Variants in CDH18 observed in about 807,000 individuals in gnomAD.
CDH18 encodes cadherin 18.
A neutral mutation model predicts 67.9 loss-of-function variants in CDH18; 31 were observed. The observed-to-expected ratio is 0.46, with a 90% CI of 0.34 to 0.62. The LOEUF (loss-of-function observed/expected upper bound fraction) is 0.62. Among genes scored for constraint, CDH18 ranks in the 20% least tolerant of loss-of-function variants. The probability of loss-of-function intolerance (pLI) is 0.01; values close to 1 mark genes in which losing one functional copy is unlikely to be tolerated. For missense variants in CDH18, 890 were observed against 975.5 expected, an observed-to-expected ratio of 0.91 and a Z score of 1.17; for synonymous variants, 362 against 347.2, an observed-to-expected ratio of 1.04 and a Z score of -0.48.
intron 2 of CDH18, among the ~76,000 whole-genome samples, chr5:20,105,731 T>C (rs943720118): frequency 6.6e-6 from 1 of 152,218 alleles, no homozygotes; most frequent in African/African-American, 2.4e-5. Flanking sequence ...GTACCTGTTG[T>C]TGCATGTCTC....
chr5:19,955,773 A>G (rs1319002142), intron 2 of CDH18, among the ~76,000 whole-genome samples: 1 of 152,110 alleles, frequency 6.6e-6, no homozygotes, highest in East Asian at 1.9e-4. Context: ...ACAAATAACT[A>G]CACATTCCCA....
intron 2 of CDH18, among the ~76,000 whole-genome samples, chr5:20,036,153 C>G (rs1265168201): frequency 6.6e-6 from 1 of 151,952 alleles, no homozygotes; most frequent in Non-Finnish European, 1.5e-5. Flanking sequence ...AGATTCATGA[C>G]AATTTACAGA....
chr5:19,531,987 T>G (rs920804052), intron 9 of CDH18, among the ~76,000 whole-genome samples: 6 of 152,148 alleles, frequency 3.9e-5, no homozygotes, highest in African/African-American at 1.4e-4. Flanking sequence ...CCTTTAACTT[T>G]TGTGGACGAA....
At chr5:20,567,023 T>G (rs1249370420) in intron 1 of CDH18, among the ~76,000 whole-genome samples, 5 of 152,194 alleles carry the variant, frequency 3.3e-5, no homozygotes, top group African/African-American at 1.2e-4. Flanking sequence ...TGTTGGTAGC[T>G]CACTCATTTT....
At chr5:19,864,683 T>C (rs945090979) in intron 2 of CDH18, among the ~76,000 whole-genome samples, 2 of 152,292 alleles carry the variant, frequency 1.3e-5, no homozygotes, top group Admixed American at 6.5e-5. Context: ...ATCTTGGGAC[T>C]TTTATGCCAC....
intron 9 of CDH18, among the ~76,000 whole-genome samples, chr5:19,541,953 G>C (rs1393069921): frequency 6.6e-6 from 1 of 151,938 alleles, no homozygotes; most frequent in Non-Finnish European, 1.5e-5. Flanking sequence ...CATTACTAAG[G>C]ATTCACAATT....
chr5:20,566,375 T>G (rs1388417106), intron 1 of CDH18, among the ~76,000 whole-genome samples: 1 of 148,826 alleles, frequency 6.7e-6, no homozygotes, highest in Non-Finnish European at 1.5e-5. Context: ...TTTTTTTTTT[T>G]TTTGAGATAG....
At chr5:19,577,422 CT>C (rs1742496299) in intron 7 of CDH18, among the ~76,000 whole-genome samples, 1 of 152,010 alleles carries the variant, frequency 6.6e-6, no homozygotes. Context: ...GAACTTGTGA[CT>C]TTTTTATTTC....
chr5:19,861,808 G>A (rs966138268), intron 2 of CDH18, among the ~76,000 whole-genome samples: 43 of 152,218 alleles, frequency 2.8e-4, no homozygotes, highest in Middle Eastern at 3.4e-3. Context: ...GAAAGTGAAG[G>A]TTTTCTTTAT....
intron 2 of CDH18, among the ~76,000 whole-genome samples, chr5:19,919,813 A>G (rs1023197103): frequency 1.3e-5 from 2 of 152,234 alleles, no homozygotes; most frequent in Admixed American, 6.5e-5. Flanking sequence ...GGATTATTAT[A>G]TAGTGTGGAC....
intron 2 of CDH18, among the ~76,000 whole-genome samples, chr5:20,070,375 A>G (rs1453176856): frequency 6.6e-6 from 1 of 151,970 alleles, no homozygotes; most frequent in Non-Finnish European, 1.5e-5. Flanking sequence ...TGGTAAGATT[A>G]TTGTCTGCTT....
At chr5:20,225,273 A>G (rs1264714425) in intron 2 of CDH18, among the ~76,000 whole-genome samples, 2 of 152,098 alleles carry the variant, frequency 1.3e-5, no homozygotes, top group Non-Finnish European at 2.9e-5. Flanking sequence ...GGTAATCTCT[A>G]CTGAAGGAGA....
chr5:20,458,199 C>T (rs1004919005), intron 1 of CDH18, among the ~76,000 whole-genome samples: 1 of 152,144 alleles, frequency 6.6e-6, no homozygotes, highest in Non-Finnish European at 1.5e-5. Flanking sequence ...CTCACTGCAG[C>T]CTCGATCTCC....
intron 1 of CDH18, among the ~76,000 whole-genome samples, chr5:20,559,194 GA>G (rs1248014029): frequency 2.6e-5 from 4 of 151,914 alleles, no homozygotes; most frequent in African/African-American, 9.7e-5. Context: ...TTTTCAAGGA[GA>G]AAAACCATAA....
At chr5:19,858,583 G>T (rs1784539827) in intron 2 of CDH18, among the ~76,000 whole-genome samples, 1 of 152,140 alleles carries the variant, frequency 6.6e-6, no homozygotes, top group Non-Finnish European at 1.5e-5. Flanking sequence ...GAACTAAGCA[G>T]ATTTATACAA....
intron 8 of CDH18, among the ~76,000 whole-genome samples, chr5:19,567,360 G>A (rs1333248639): frequency 6.6e-6 from 1 of 152,112 alleles, no homozygotes; most frequent in Admixed American, 6.6e-5. Flanking sequence ...AAGTACAAAA[G>A]TACAATAGTA....
chr5:19,704,712 G>T (rs1451191755), intron 5 of CDH18, among the ~76,000 whole-genome samples: 1 of 152,150 alleles, frequency 6.6e-6, no homozygotes, highest in African/African-American at 2.4e-5. Context: ...GAAACTGGAG[G>T]CTTTAGAGGA....
chr5:20,319,613 T>C lies in CDH18; in HGVS notation c.-579-64108A>G, dbSNP rs568630054. Among the ~76,000 whole-genome samples the C allele has an allele frequency of 4.6e-5, 7 of 152,330 alleles. No individual in the cohort carries two copies. The South Asian group carries it at 1.4e-3, about 32-fold the overall frequency. On this transcript the variant is annotated intron_variant, in intron 1 of 14. Coordinates refer to the CDH18 transcript ENST00000507958. ...ATTTAGCTTGCATAACCACAAAACA[T>C]GTTAATCTTGATGAATTCACATGGC...
chr5:20,440,847 C>T lies in CDH18; in HGVS notation c.-580+134615G>A, dbSNP rs1428799006. 2.0e-5 allele frequency among the ~76,000 whole-genome samples: 3 copies of T among 151,934 alleles called. 1 individual carries two copies. Among genetic ancestry groups the T allele is most frequent in the African/African-American group, 7.3e-5 (3 of 41,218 alleles). On this transcript the variant is annotated intron_variant, in intron 1 of 14. Coordinates refer to the CDH18 transcript ENST00000507958. Reference sequence around the variant, plus strand: ...CAGACAAAACAATGTTCCAGGGTCACTGAGTTTTGGGAAATCATACATAGA... The same window carrying T: ...CAGACAAAACAATGTTCCAGGGTCATTGAGTTTTGGGAAATCATACATAGA...
Sources: allele counts gnomAD v4.1 joint callset (sites outside exome capture counted in the v4.1 genomes callset), GRCh38; gene constraint gnomAD v4.1.1; transcripts MANE v1.5; gene names NCBI Gene and HGNC (gene_info 2026-07-23, HGNC 2026-07-21).